The following POLE variants were observed in gnomAD, a reference collection of about 807,000 sequenced individuals.
POLE encodes DNA polymerase epsilon, catalytic subunit, also known as DNA polymerase epsilon catalytic subunit A.
POLE carries 188 observed loss-of-function variants against 279.2 expected under a neutral mutation model. The ratio of observed to expected loss-of-function variants is 0.67; its 90% confidence interval spans 0.60 to 0.76. POLE has a LOEUF of 0.76. Ranked by LOEUF, POLE falls within the 30% of genes least tolerant of loss-of-function variation. The pLI is 0.00. For synonymous variants in POLE, 1,214 were observed against 1,172.5 expected (o/e 1.04, Z -0.72); for missense variants, 2,703 against 3,016.7 (o/e 0.90, Z 2.44).
At chr12:132,648,694 A>C (rs1485245858) in intron 32 of POLE, 2 of 457,166 alleles carry the variant, frequency 4.4e-6, no homozygotes, top group African/African-American at 3.9e-5. Flanking sequence ...TTGTCCCCGC[A>C]ACATGGACCT....
In POLE at chr12:132,643,993, C is replaced by T. The variant is rs375774291; in HGVS notation, c.4150-16G>A. On this transcript the variant is annotated splice_polypyrimidine_tract_variant and intron_variant, in intron 32 of 48. Coordinates refer to ENST00000320574, the MANE Select transcript of POLE (RefSeq NM_006231.4). Reference sequence around the variant, plus strand: ...CCCGATTTACCTGGCGAGAATACGACGATGATCTCGTCACTGGGCGTAAGT... The same window carrying T: ...CCCGATTTACCTGGCGAGAATACGATGATGATCTCGTCACTGGGCGTAAGT... 13 of 1,608,480 alleles carry T rather than the reference C, an allele frequency of 8.1e-6. No individual in the cohort carries two copies. Among genetic ancestry groups the T allele is most frequent in the Admixed American group, 1.7e-5 (1 of 59,856 alleles).
At chr12:132,657,558 G>C in intron 27 of POLE, 129 bp from the exon 28 acceptor site, 1 of 803,130 alleles carries the variant, frequency 1.2e-6, no homozygotes, top group South Asian at 1.7e-5. Context: ...ATGATGAAAG[G>C]TGCCCATTGC....
intron 8 of POLE, among the ~76,000 whole-genome samples, chr12:132,676,905 A>C (rs1255095665): frequency 6.6e-6 from 1 of 152,176 alleles, no homozygotes; most frequent in African/African-American, 2.4e-5. Flanking sequence ...TTAGGAGAAA[A>C]ACTCTTCAAA....
chr12:132,679,894 T>G, intron 5 of POLE, 60 bp downstream of exon 5: 1 of 1,273,030 alleles, frequency 7.9e-7, no homozygotes, highest in Non-Finnish European at 1.1e-6. Context: ...CGATCCCACC[T>G]GCCAGGAACA....
At position 132,629,159 on chromosome 12, in the gene POLE, C is replaced by T. The variant is rs560805065; in HGVS notation, c.6331-2842G>A. Among the ~76,000 whole-genome samples the T allele has an allele frequency of 2.3e-3, 355 of 152,346 alleles. 1 individual carries two copies. Among genetic ancestry groups the T allele is most frequent in the African/African-American group, 8.2e-3 (340 of 41,584 alleles). On this transcript the variant is annotated intron_variant, in intron 45 of 48. Transcript: ENST00000320574. ...AAGCAACATTCATCTCCTTGTACGTCTCCATCAGAGCTCTTGGGTGACCAG... is the reference window on the plus strand; with the variant it reads ...AAGCAACATTCATCTCCTTGTACGTTTCCATCAGAGCTCTTGGGTGACCAG...
chr12:132,667,475 C>A (rs757739966), intron 20 of POLE, 28 bp downstream of exon 20: 1 of 1,611,370 alleles, frequency 6.2e-7, no homozygotes, highest in Non-Finnish European at 8.5e-7. Flanking sequence ...CTCACAGAGG[C>A]CAAAGCTTGC....
Position 132,634,041 on chromosome 12 carries a change from G to T in POLE, c.6004+145C>A. On this transcript the variant is annotated intron_variant, in intron 43 of 48. Coordinates refer to ENST00000320574, the MANE Select transcript of POLE (RefSeq NM_006231.4). This position sits in a 1 kb window ranked among gnomAD's most constrained non-coding sequence, Gnocchi z 4.0. ...TGGAGCCTGGAGAGGAGGCCCCTCG[G>T]CTCACAAAGTCCCAACTGCTGGGCA... The T allele has an allele frequency of 1.4e-6, 1 of 719,118 alleles. No individual in the cohort carries two copies. 44.5% of individuals were successfully genotyped at this position (719,118 alleles called of 1,614,324 possible). A position where few individuals can be genotyped will look rare whatever the true frequency, so the allele number is the denominator to read the frequency against.
chr12:132,627,163 A>G (rs1035981569), intron 45 of POLE, among the ~76,000 whole-genome samples: 2 of 152,052 alleles, frequency 1.3e-5, no homozygotes, highest in African/African-American at 4.8e-5. Context: ...TGCACCTGTG[A>G]TCCCAGCTAC....
rs192489958 is a variant in POLE, at chr12:132,685,208, C to A, written c.62+2046G>T. 6.6e-5 allele frequency among the ~76,000 whole-genome samples: 10 copies of A among 150,756 alleles called. 1 individual carries two copies. In the East Asian group the frequency reaches 1.8e-3, roughly 27 times the overall value. On this transcript the variant is annotated intron_variant, in intron 1 of 48. Transcript: ENST00000320574. ...ACACAGGCTTTCATTCACAGAGCTA[C>A]CATTGACTGGTTACTGTATCACACC...
In POLE at chr12:132,661,142, C is replaced by A. The variant is rs751237672; in HGVS notation, c.2887G>T (p.Gly963Cys). Residue 963 changes from glycine (G) to cysteine (C), a missense_variant, in exon 25 of 49, where the codon GGT becomes TGT. Gly to Cys is a radical substitution (Grantham distance 159). Around this residue, in one of 5 missense-constraint regions of POLE, gnomAD observed 101 missense variants for 115.4 expected, o/e 0.87. Coordinates refer to ENST00000320574, the MANE Select transcript of POLE (RefSeq NM_006231.4). The surrounding 1 kb of genome is among the most constrained non-coding windows in gnomAD (Gnocchi z 4.1). ...AAGCCCTTGAGCTCAGCCAGAGAAC[C>A]GTCTTCATTGAACACAGCATACCTG... ...KKRYAVFNED[G>C]SLAELKGFEV... The A allele has an allele frequency of 6.2e-7, 1 of 1,611,414 alleles. No homozygotes were observed.
chr12:132,635,320 C>T (rs2042009565), intron 42 of POLE, among the ~76,000 whole-genome samples: 1 of 152,232 alleles, frequency 6.6e-6, no homozygotes, highest in Non-Finnish European at 1.5e-5. Context: ...CTTCAAAGCC[C>T]ACCCAGGCCC....
Position 132,675,800 on chromosome 12 carries a change from C to A in POLE, c.1041G>T (p.Trp347Cys), listed in dbSNP as rs1048183984. 1 of 1,614,024 alleles carries A rather than the reference C, an allele frequency of 6.2e-7. No homozygotes were observed. Among genetic ancestry groups the A allele is most frequent in the Non-Finnish European group, 8.5e-7 (1 of 1,179,948 alleles). ...EPDEAHLIQR[W>C]FEHVQETKPT... ...GTTTGGTCTCCTGGACGTGTTCAAA[C>A]CACCTTTGGATCAGATGAGCCTGAA... is the stretch of plus-strand genomic sequence containing the variant. The change falls in exon 11 of 49, where the codon TGG (tryptophan) becomes TGT (cysteine). Residue 347 changes from tryptophan to cysteine, a missense_variant. Physicochemically the swap from Trp to Cys is radical, Grantham distance 215. Around this residue, in one of 5 missense-constraint regions of POLE, gnomAD observed 1,011 missense variants for 1,111.7 expected, o/e 0.91. Coordinates refer to ENST00000320574, the MANE Select transcript of POLE (RefSeq NM_006231.4). This position sits in a 1 kb window ranked among gnomAD's most constrained non-coding sequence, Gnocchi z 4.3.
intron 29 of POLE, among the ~76,000 whole-genome samples, chr12:132,653,501 G>C (rs2042467485): frequency 6.6e-6 from 1 of 152,136 alleles, no homozygotes; most frequent in South Asian, 2.1e-4. Flanking sequence ...TTTGTTTCTA[G>C]TATAAATGAA....
rs2042177894 is a variant in POLE at position 132,642,733 on chromosome 12, G to C, written c.4729-4C>G. The C allele has an allele frequency of 1.2e-6, 2 of 1,613,486 alleles. No homozygotes were observed. Among genetic ancestry groups the C allele is most frequent in the South Asian group, 1.1e-5 (1 of 91,078 alleles). On this transcript the variant is annotated splice_polypyrimidine_tract_variant and splice_region_variant and intron_variant, in intron 36 of 48. Transcript: ENST00000320574. ...GTGTGGGCCCCCGGCGCTCCTCCTG[G>C]GTCAAGGCAAAATGGAAGAAAAGAC... is the stretch of plus-strand genomic sequence containing the variant.
At chr12:132,685,546 T>C (rs939523418) in intron 1 of POLE, among the ~76,000 whole-genome samples, 1 of 152,230 alleles carries the variant, frequency 6.6e-6, no homozygotes, top group Non-Finnish European at 1.5e-5. Flanking sequence ...ATAAAGCATG[T>C]AAGGTAAAAG....
intron 1 of POLE, among the ~76,000 whole-genome samples, chr12:132,682,939 C>T (rs7308250): frequency 0.35 from 52,694 of 151,114 alleles, 9,704 homozygotes; most frequent in Non-Finnish European, 0.41. Flanking sequence ...GGCGACAGAG[C>T]GAGACTCCGT....
rs1239144686 is a variant in POLE at position 132,667,569 on chromosome 12, G to A, written c.2253C>T (p.Asn751=). 1 of 1,613,928 alleles carries A rather than the reference G, an allele frequency of 6.2e-7. No homozygotes were observed. Among genetic ancestry groups the A allele is most frequent in the Admixed American group, 1.7e-5 (1 of 60,004 alleles). ...ERLTTICQRE[N]SFYVDTVRAF... Reference sequence around the variant, plus strand: ...CACGCACGGTGTCCACGTAGAAGGAGTTTTCCCGCTGGCAGATGGTGGTGA... The same window carrying A: ...CACGCACGGTGTCCACGTAGAAGGAATTTTCCCGCTGGCAGATGGTGGTGA... The change falls in exon 20 of 49, where the codon AAC becomes AAT. Residue 751 remains asparagine (N), a synonymous_variant. Coordinates refer to ENST00000320574, the MANE Select transcript of POLE (RefSeq NM_006231.4).
At chr12:132,671,542 G>A (rs1461669017) in intron 16 of POLE, among the ~76,000 whole-genome samples, 1 of 148,206 alleles carries the variant, frequency 6.7e-6, no homozygotes, top group Admixed American at 6.6e-5. Flanking sequence ...GGTGGCGGAT[G>A]CCTGTAATCC....
rs1206918833 is a variant in POLE at position 132,668,714 on chromosome 12, G to A, written c.1947C>T (p.Ala649=). The change falls in exon 18 of 49, where the codon GCC becomes GCT. Residue 649 remains alanine (A), a synonymous_variant. Transcript: ENST00000320574. This position sits in a 1 kb window ranked among gnomAD's most constrained non-coding sequence, Gnocchi z 4.0. The stretch of plus-strand genomic sequence containing the variant: ...TATTGAAGTCACAGGCAGCACAGGT[G>A]GCTTCGTCCACCATGGCAGAGGGCT... The part of the protein sequence containing the change: ...RLQPSAMVDE[A]TCAACDFNKP... The A allele has an allele frequency of 6.2e-7, 1 of 1,614,062 alleles. No individual in the cohort carries two copies. Among genetic ancestry groups the A allele is most frequent in the Non-Finnish European group, 8.5e-7 (1 of 1,179,926 alleles).
Sources: allele counts gnomAD v4.1 joint callset (sites outside exome capture counted in the v4.1 genomes callset), GRCh38; gene constraint gnomAD v4.1.1; regional missense constraint gnomAD v4.1.1; non-coding constraint Gnocchi (gnomAD v3.1); transcripts MANE v1.5; gene names NCBI Gene and HGNC (gene_info 2026-07-23, HGNC 2026-07-21).